Variants in CSNK2A2IP observed in about 807,000 individuals in gnomAD.
CSNK2A2IP encodes the protein casein kinase II subunit alpha'-interacting protein.
chr3:88,356,991 T>C, the CSNK2A2IP span, among the ~76,000 whole-genome samples: 1 of 118,414 alleles, frequency 8.4e-6, no homozygotes, highest in Non-Finnish European at 2.1e-5. Flanking sequence ...TGTTTGAGTT[T>C]ATTTATATTT....
the CSNK2A2IP span, among the ~76,000 whole-genome samples, chr3:88,376,452 C>T: frequency 1.3e-5 from 2 of 151,654 alleles, no homozygotes; most frequent in Non-Finnish European, 2.9e-5. Flanking sequence ...TACAGATCTT[C>T]ACCTATCTTC....
chr3:88,417,892 A>T, the CSNK2A2IP span, among the ~76,000 whole-genome samples: 2 of 152,180 alleles, frequency 1.3e-5, no homozygotes, highest in Non-Finnish European at 2.9e-5. Context: ...TGTGTATTAG[A>T]ATATAAACCA....
At chr3:88,369,829 C>A in the CSNK2A2IP span, among the ~76,000 whole-genome samples, 48 of 151,970 alleles carry the variant, frequency 3.2e-4, 1 homozygote, top group African/African-American at 1.1e-3. Context: ...AGGTAGAATT[C>A]TGGCATAAGA....
chr3:88,465,957 A>T, the CSNK2A2IP span: 1 of 1,231,558 alleles, frequency 8.1e-7, no homozygotes, highest in African/African-American at 1.6e-5. Flanking sequence ...TCATTTGGAC[A>T]TCATCTTCCT....
chr3:88,398,824 G>C, the CSNK2A2IP span, among the ~76,000 whole-genome samples: 23 of 152,134 alleles, frequency 1.5e-4, no homozygotes, highest in Non-Finnish European at 2.1e-4. Context: ...CTTACACTTT[G>C]ATGGCAGGGA....
At chr3:88,427,212 C>T in the CSNK2A2IP span, among the ~76,000 whole-genome samples, 1 of 152,138 alleles carries the variant, frequency 6.6e-6, no homozygotes, top group Non-Finnish European at 1.5e-5. Context: ...TCTTGTTATG[C>T]TTTAGCAAAG....
At chr3:88,378,652 C>G in the CSNK2A2IP span, among the ~76,000 whole-genome samples, 1 of 151,948 alleles carries the variant, frequency 6.6e-6, no homozygotes, top group Non-Finnish European at 1.5e-5. Context: ...TCAATGAATA[C>G]ATTGGTATTG....
At chr3:88,414,369 G>A in the CSNK2A2IP span, among the ~76,000 whole-genome samples, 4 of 124,278 alleles carry the variant, frequency 3.2e-5, no homozygotes, top group East Asian at 5.4e-4. Context: ...TGTAACCTCC[G>A]CCTCCTGGGT....
chr3:88,439,469 C>A, the CSNK2A2IP span, among the ~76,000 whole-genome samples: 5 of 152,038 alleles, frequency 3.3e-5, no homozygotes, highest in East Asian at 7.8e-4. Context: ...GTTGGCCAGG[C>A]GTGGTGGCTC....
the CSNK2A2IP span, among the ~76,000 whole-genome samples, chr3:88,365,727 T>A: frequency 6.6e-6 from 1 of 152,088 alleles, no homozygotes; most frequent in Non-Finnish European, 1.5e-5. Context: ...TCCAATACCT[T>A]CTAGGTATAG....
chr3:88,422,399 T>TA, the CSNK2A2IP span, among the ~76,000 whole-genome samples: 1,297 of 152,246 alleles, frequency 8.5e-3, 11 homozygotes, highest in African/African-American at 0.03. Context: ...GAATACTCAG[T>TA]AGTATTTGTT....
chr3:88,443,471 AG>A, the CSNK2A2IP span, among the ~76,000 whole-genome samples: 1 of 152,188 alleles, frequency 6.6e-6, no homozygotes, highest in Non-Finnish European at 1.5e-5. Context: ...TGAAGAGAAA[AG>A]TCTTGGAAGG....
At chr3:88,340,566 C>T in the CSNK2A2IP span, among the ~76,000 whole-genome samples, 4 of 151,916 alleles carry the variant, frequency 2.6e-5, no homozygotes, top group Non-Finnish European at 5.9e-5. Context: ...GTGCTGTGAT[C>T]GGGAGCTATT....
the CSNK2A2IP span, among the ~76,000 whole-genome samples, chr3:88,435,396 ATTC>A: frequency 6.6e-6 from 1 of 152,294 alleles, no homozygotes; most frequent in South Asian, 2.1e-4. Context: ...AAATTTAATT[ATTC>A]TTAAGAAAGA....
the CSNK2A2IP span, among the ~76,000 whole-genome samples, chr3:88,418,334 A>T: frequency 1.3e-5 from 2 of 152,112 alleles, no homozygotes; most frequent in Non-Finnish European, 2.9e-5. Context: ...GCCTGTCGGC[A>T]TCTTATTCTA....
chr3:88,411,401 CT>C, the CSNK2A2IP span, among the ~76,000 whole-genome samples: 2 of 151,598 alleles, frequency 1.3e-5, no homozygotes, highest in Non-Finnish European at 2.9e-5. Context: ...ATCTATCTAT[CT>C]ATCCATCCAT....
At chr3:88,376,714 TG>T in the CSNK2A2IP span, among the ~76,000 whole-genome samples, 1 of 151,806 alleles carries the variant, frequency 6.6e-6, no homozygotes, top group Non-Finnish European at 1.5e-5. Flanking sequence ...CTCATTCTTT[TG>T]GTGGCTACAC....
At chr3:88,438,612 A>C in the CSNK2A2IP span, among the ~76,000 whole-genome samples, 5 of 152,178 alleles carry the variant, frequency 3.3e-5, no homozygotes, top group Non-Finnish European at 5.9e-5. Context: ...AGAGAAGCCA[A>C]GAATCCAGAC....
At chr3:88,361,766 T>C in the CSNK2A2IP span, among the ~76,000 whole-genome samples, 1 of 152,158 alleles carries the variant, frequency 6.6e-6, no homozygotes, top group Non-Finnish European at 1.5e-5. Context: ...ACTTTGCCCT[T>C]CTTCTAAACC....
Sources: allele counts gnomAD v4.1 joint callset (sites outside exome capture counted in the v4.1 genomes callset), GRCh38; gene constraint gnomAD v4.1.1; transcripts MANE v1.5; gene names NCBI Gene and HGNC (gene_info 2026-07-23, HGNC 2026-07-21).